Variants in UPB1 observed in about 807,000 individuals in gnomAD.
The protein encoded by UPB1 is beta-ureidopropionase 1, also known as beta-ureidopropionase.
UPB1 carries 40 observed loss-of-function variants against 49.1 expected under a neutral mutation model. The ratio of observed to expected loss-of-function variants is 0.81; its 90% CI spans 0.63 to 1.06. UPB1 has a LOEUF of 1.06. UPB1 is among the 50% of genes least tolerant of loss of function. UPB1 has a pLI of 0.00. For synonymous variants in UPB1, 207 were observed against 198.2 expected (o/e 1.04, Z -0.38); for missense variants, 499 against 505.9 (o/e 0.99, Z 0.13).
intron 6 of UPB1, chr22:24,518,387 A>G (rs1165207124): frequency 2.7e-5 from 4 of 149,780 alleles, no homozygotes; most frequent in Admixed American, 6.6e-5. Context: ...GAACTCTTGG[A>G]AAAAAAAGGA....
rs1441629997 is a variant in UPB1, at chr22:24,527,137, C to G, written c.*1343C>G. ...TTGGGAAGCCAAGGCAGGTGGATCACTTGAGGTCAGGAGTTCAAGACCAGC... is the reference window on the plus strand; with the variant it reads ...TTGGGAAGCCAAGGCAGGTGGATCAGTTGAGGTCAGGAGTTCAAGACCAGC... On this transcript the variant is annotated 3_prime_UTR_variant, in exon 10 of 10. Transcript: ENST00000326010. 1 of 152,216 alleles carries G rather than the reference C, an allele frequency of 6.6e-6. No individual in the cohort carries two copies. The highest frequency in any genetic ancestry group is 1.5e-5 in the Non-Finnish European group (1 of 68,076). The allele number at this position is 152,216 out of a possible 1,614,324, so 9.4% of individuals were successfully genotyped here.
At chr22:24,510,636 A>G (rs1177913454) in intron 3 of UPB1, 113 bp from the exon 4 acceptor site, 2 of 1,157,640 alleles carry the variant, frequency 1.7e-6, no homozygotes, top group Non-Finnish European at 2.6e-6. Flanking sequence ...AAGCCAGGCC[A>G]TGGCACTCCT....
intron 1 of UPB1, among the ~76,000 whole-genome samples, chr22:24,498,980 G>A (rs1332506647): frequency 1.3e-5 from 2 of 152,148 alleles, no homozygotes; most frequent in African/African-American, 4.8e-5. Context: ...GCGCCCTTCC[G>A]CTGGAGGGTG....
intron 3 of UPB1, among the ~76,000 whole-genome samples, chr22:24,509,448 G>A (rs1303756593): frequency 1.3e-5 from 2 of 151,018 alleles, no homozygotes; most frequent in African/African-American, 4.9e-5. Flanking sequence ...CTCCTAGGTG[G>A]GGCCTGGCCA....
intron 2 of UPB1, among the ~76,000 whole-genome samples, chr22:24,501,187 G>T (rs1201817021): frequency 6.6e-6 from 1 of 152,172 alleles, no homozygotes; most frequent in East Asian, 1.9e-4. Context: ...CTAACACCAA[G>T]CAAATGTGTG....
chr22:24,510,378 C>G (rs1045450298), intron 3 of UPB1, among the ~76,000 whole-genome samples: 1 of 152,146 alleles, frequency 6.6e-6, no homozygotes, highest in Admixed American at 6.5e-5. Context: ...AGAGAGTTGA[C>G]TGATATTCCA....
At chr22:24,507,987 C>T (rs760793684) in intron 3 of UPB1, among the ~76,000 whole-genome samples, 7 of 152,110 alleles carry the variant, frequency 4.6e-5, no homozygotes, top group African/African-American at 1.2e-4. Context: ...CGCTGCACAC[C>T]GGATTTCTCT....
chr22:24,502,029 A>G (rs2044002020), intron 2 of UPB1, 97 bp from the exon 3 acceptor site: 1 of 1,235,926 alleles, frequency 8.1e-7, no homozygotes. Context: ...ATACCTGCCC[A>G]GGTGGGCATT....
At chr22:24,511,477 CTG>C (rs1259999462) in intron 4 of UPB1, among the ~76,000 whole-genome samples, 2 of 151,918 alleles carry the variant, frequency 1.3e-5, no homozygotes, top group African/African-American at 4.8e-5. Context: ...TTGCACAACT[CTG>C]TGAATATCCT....
At chr22:24,525,324 A>G (rs1267987602) in intron 9 of UPB1, among the ~76,000 whole-genome samples, 1 of 152,144 alleles carries the variant, frequency 6.6e-6, no homozygotes, top group Non-Finnish European at 1.5e-5. Context: ...CTCCAGGCCC[A>G]TCCAGGAGCC....
intron 6 of UPB1, chr22:24,520,127 C>G (rs2044361729): frequency 5.5e-6 from 3 of 550,036 alleles, no homozygotes; most frequent in African/African-American, 1.9e-5. Context: ...GTGGCTTATG[C>G]CTGCAGCAGG....
chr22:24,504,332 A>G (rs2044046251), intron 3 of UPB1, among the ~76,000 whole-genome samples: 1 of 152,222 alleles, frequency 6.6e-6, no homozygotes, highest in Non-Finnish European at 1.5e-5. Flanking sequence ...TGAGCATCAA[A>G]TTTTAGGTTA....
intron 5 of UPB1, 38 bp downstream of exon 5, chr22:24,513,523 C>T: frequency 1.2e-6 from 2 of 1,602,200 alleles, no homozygotes; most frequent in Non-Finnish European, 1.7e-6. Context: ...GCCCTGCTCA[C>T]TTGCCCCTCT....
In UPB1 at chr22:24,501,985, T is replaced by C. The variant is rs1246100074; in HGVS notation, c.277-141T>C. 6.5e-5 allele frequency: 53 copies of C among 809,812 alleles called. 1 individual carries two copies. Among genetic ancestry groups the C allele is most frequent in the Non-Finnish European group, 4.2e-6 (2 of 471,266 alleles). The allele number at this position is 809,812 out of a possible 1,614,324, so 50.2% of individuals were successfully genotyped here. A position where few individuals can be genotyped will look rare whatever the true frequency, so the allele number is the denominator to read the frequency against. On this transcript the variant is annotated intron_variant, in intron 2 of 9. Coordinates refer to ENST00000326010, the MANE Select transcript of UPB1 (RefSeq NM_016327.3). ...CATGCAGATTTTGGACATCAGGAGATAACCAAATATAGAACCTCCCCACCC... is the reference window on the plus strand; with the variant it reads ...CATGCAGATTTTGGACATCAGGAGACAACCAAATATAGAACCTCCCCACCC...
chr22:24,520,223 C>T (rs1392524723), intron 6 of UPB1, 164 bp from the exon 7 acceptor site: 12 of 765,730 alleles, frequency 1.6e-5, no homozygotes, highest in Non-Finnish European at 2.4e-5. Flanking sequence ...CGGTGAGTCT[C>T]CTGGTTGTCC....
At chr22:24,523,821 T>TC in intron 9 of UPB1, 48 bp downstream of exon 9, 1 of 1,612,674 alleles carries the variant, frequency 6.2e-7, no homozygotes, top group Non-Finnish European at 8.5e-7. Context: ...GCTTTGGCCC[T>TC]CATCCTGCTC....
At chr22:24,503,478 C>T (rs368383036) in intron 3 of UPB1, 1 of 152,102 alleles carries the variant, frequency 6.6e-6, no homozygotes, top group Non-Finnish European at 1.5e-5. Context: ...TATGTTGCCT[C>T]GGCATCCATG....
intron 1 of UPB1, among the ~76,000 whole-genome samples, chr22:24,496,266 C>G (rs1012582391): frequency 6.6e-6 from 1 of 151,916 alleles, no homozygotes; most frequent in Non-Finnish European, 1.5e-5. Context: ...AGCTACATGG[C>G]AGGCTGAGGC....
chr22:24,513,236 A>G (rs1429191809), intron 4 of UPB1, 88 bp from the exon 5 acceptor site: 16 of 1,597,584 alleles, frequency 1.0e-5, no homozygotes, highest in Admixed American at 1.7e-5. Flanking sequence ...ACCCAAGCCT[A>G]TTGATTTAGT....
Sources: gnomAD v4.1 joint callset for allele counts (sites outside exome capture counted in the v4.1 genomes callset) on GRCh38, gnomAD v4.1.1 for gene constraint, MANE v1.5 for transcripts, NCBI Gene and HGNC (gene_info 2026-07-23, HGNC 2026-07-21) for gene names.